TCF12: variants seen among roughly 807,000 people sequenced by gnomAD.
TCF12 encodes transcription factor 12.
TCF12 carries 45 observed loss-of-function variants against 86.0 expected under a neutral mutation model. The observed-to-expected ratio is 0.52, with a 90% CI of 0.41 to 0.67. The LOEUF (loss-of-function observed/expected upper bound fraction) is 0.67, where lower values mean the gene tolerates loss of function less well. Ranked by LOEUF, TCF12 falls within the 30% of genes least tolerant of loss-of-function variation. The pLI, the probability that TCF12 is intolerant of heterozygous loss-of-function variation, is 0.00. For synonymous variants in TCF12, 330 were observed against 299.6 expected (o/e 1.10, Z -1.05); for missense variants, 881 against 859.9 (o/e 1.02, Z -0.31).
chr15:57,184,012 C>T (rs2056518083), intron 6 of TCF12, among the ~76,000 whole-genome samples: 1 of 152,022 alleles, frequency 6.6e-6, no homozygotes, highest in Non-Finnish European at 1.5e-5. Context: ...TATTTGATTT[C>T]TTTGAAGAAA....
intron 6 of TCF12, among the ~76,000 whole-genome samples, chr15:57,185,159 T>C (rs1228124760): frequency 4.6e-5 from 7 of 152,248 alleles, no homozygotes. Context: ...TATAAGGGAA[T>C]GTATCAGCTT....
At chr15:57,085,159 T>C (rs1255634308) in intron 4 of TCF12, among the ~76,000 whole-genome samples, 2 of 152,194 alleles carry the variant, frequency 1.3e-5, no homozygotes, top group South Asian at 2.1e-4. Flanking sequence ...CTGAAGAGAT[T>C]ATTCATCCTC....
At chr15:57,138,859 G>C (rs2052751599) in intron 5 of TCF12, among the ~76,000 whole-genome samples, 1 of 152,102 alleles carries the variant, frequency 6.6e-6, no homozygotes, top group Non-Finnish European at 1.5e-5. Context: ...GAGTTTTGCT[G>C]TTACTAAATG....
chr15:57,285,137 A>G (rs897360828), intron 20 of TCF12, among the ~76,000 whole-genome samples: 11 of 152,342 alleles, frequency 7.2e-5, no homozygotes, highest in Admixed American at 5.2e-4. Flanking sequence ...ACAGGGCAGC[A>G]GGAACAATGC....
chr15:57,167,017 A>G (rs529274191), intron 6 of TCF12, among the ~76,000 whole-genome samples: 6 of 152,248 alleles, frequency 3.9e-5, no homozygotes, highest in Admixed American at 2.0e-4. Context: ...CTGAACACAC[A>G]ATTCACCTGC....
intron 3 of TCF12, among the ~76,000 whole-genome samples, chr15:57,000,507 G>C (rs1342800186): frequency 6.6e-6 from 1 of 152,198 alleles, no homozygotes. Flanking sequence ...TTGGAAGGAA[G>C]TTTGTAGCAT....
chr15:57,143,161 C>A (rs74363909), intron 5 of TCF12, among the ~76,000 whole-genome samples: 2,650 of 116,612 alleles, frequency 0.023, 67 homozygotes, highest in African/African-American at 0.067. Flanking sequence ...CCCCCCCCAC[C>A]AAAAAAAAAA....
intron 8 of TCF12, among the ~76,000 whole-genome samples, chr15:57,204,324 G>A (rs193243019): frequency 4.7e-4 from 72 of 152,128 alleles, no homozygotes; most frequent in Admixed American, 3.9e-3. Context: ...GGTGGCATGT[G>A]CCTGTGGTCT....
At chr15:57,090,729 T>G (rs1224392224) in intron 4 of TCF12, among the ~76,000 whole-genome samples, 1 of 152,186 alleles carries the variant, frequency 6.6e-6, no homozygotes, top group Non-Finnish European at 1.5e-5. Flanking sequence ...GGTTTCAGGT[T>G]TCTGTGAGCC....
intron 14 of TCF12, among the ~76,000 whole-genome samples, chr15:57,251,925 C>A (rs1388294994): frequency 6.6e-6 from 1 of 152,066 alleles, no homozygotes; most frequent in East Asian, 1.9e-4. Flanking sequence ...GTATATTGTG[C>A]AAATTATACA....
intron 4 of TCF12, 141 bp from the exon 5 acceptor site, chr15:57,091,648 A>T (rs2049000135): frequency 2.1e-6 from 1 of 486,468 alleles, no homozygotes; most frequent in Non-Finnish European, 3.6e-6. Context: ...TTCTGCTGTT[A>T]GCTTTTCAAA....
At chr15:57,067,432 T>G (rs986847243) in intron 4 of TCF12, among the ~76,000 whole-genome samples, 76 of 138,986 alleles carry the variant, frequency 5.5e-4, no homozygotes, top group Non-Finnish European at 6.7e-4. Flanking sequence ...CCCAGCTACT[T>G]GGGAGGCTGA....
intron 16 of TCF12, 69 bp downstream of exon 16, chr15:57,253,537 C>T: frequency 6.5e-7 from 1 of 1,548,946 alleles, no homozygotes; most frequent in Non-Finnish European, 8.8e-7. Flanking sequence ...TTAATGAAAT[C>T]TTTGGGAAGA....
chr15:57,207,457 G>T (rs1221638247), intron 8 of TCF12, among the ~76,000 whole-genome samples: 1 of 152,126 alleles, frequency 6.6e-6, no homozygotes, highest in Non-Finnish European at 1.5e-5. Flanking sequence ...GATCACTTAA[G>T]GTCAGGAGTT....
At chr15:56,988,293 A>G (rs1414430620) in intron 3 of TCF12, among the ~76,000 whole-genome samples, 1 of 152,166 alleles carries the variant, frequency 6.6e-6, no homozygotes, top group Non-Finnish European at 1.5e-5. Flanking sequence ...ATAGCCTACT[A>G]TACACTAGAC....
intron 3 of TCF12, among the ~76,000 whole-genome samples, chr15:57,015,661 A>G (rs1229035518): frequency 6.6e-6 from 1 of 152,082 alleles, no homozygotes; most frequent in African/African-American, 2.4e-5. Flanking sequence ...TGGGCTACAT[A>G]GCCCCATGTC....
At chr15:57,039,307 T>A (rs377253629) in intron 3 of TCF12, among the ~76,000 whole-genome samples, 2 of 152,276 alleles carry the variant, frequency 1.3e-5, no homozygotes, top group African/African-American at 4.8e-5. Flanking sequence ...TTCTTACATA[T>A]CTGTTCATAT....
At chr15:57,144,708 C>G (rs181368046) in intron 5 of TCF12, among the ~76,000 whole-genome samples, 194 of 152,314 alleles carry the variant, frequency 1.3e-3, no homozygotes, top group Non-Finnish European at 2.1e-3. Flanking sequence ...AAGTGATCCT[C>G]CCACCTCAGT....
intron 16 of TCF12, among the ~76,000 whole-genome samples, chr15:57,260,598 T>G (rs2060544729): frequency 6.6e-6 from 1 of 152,166 alleles, no homozygotes; most frequent in South Asian, 2.1e-4. Flanking sequence ...CAAATACACC[T>G]CAGCTTTTAC....
Sources: allele counts gnomAD v4.1 joint callset (sites outside exome capture counted in the v4.1 genomes callset), GRCh38; gene constraint gnomAD v4.1.1; transcripts MANE v1.5; gene names NCBI Gene and HGNC (gene_info 2026-07-23, HGNC 2026-07-21).